The following KCNH7 variants were observed in gnomAD, a reference collection of about 807,000 sequenced individuals.
The protein encoded by KCNH7 is potassium voltage-gated channel subfamily H member 7, also known as voltage-gated inwardly rectifying potassium channel KCNH7.
Under a neutral mutation model 120.8 loss-of-function variants are expected in KCNH7, and 49 were observed. The ratio of observed to expected loss-of-function variants is 0.41; its 90% CI spans 0.32 to 0.51. The LOEUF is 0.51. KCNH7 is among the 20% of genes least tolerant of loss of function. The pLI is 0.38. For missense variants in KCNH7, 1,097 were observed against 1,446.6 expected (o/e 0.76, Z 3.92); for synonymous variants, 547 against 516.1 (o/e 1.06, Z -0.81).
chr2:162,616,188 C>T (rs1013566166), intron 2 of KCNH7, among the ~76,000 whole-genome samples: 21 of 152,170 alleles, frequency 1.4e-4, no homozygotes, highest in African/African-American at 4.6e-4. Flanking sequence ...TTATGACTCA[C>T]GGGATAAAAG....
chr2:162,652,306 T>C (rs981480858), intron 2 of KCNH7, among the ~76,000 whole-genome samples: 17 of 152,324 alleles, frequency 1.1e-4, no homozygotes, highest in African/African-American at 3.8e-4. Context: ...AATAATACCA[T>C]TTAGCAAGAC....
intron 12 of KCNH7, among the ~76,000 whole-genome samples, chr2:162,388,559 A>T (rs1366746042): frequency 1.3e-5 from 2 of 151,920 alleles, no homozygotes; most frequent in South Asian, 4.1e-4. Flanking sequence ...GATCACTAAA[A>T]TGGATAACAA....
At chr2:162,704,106 T>C (rs867143139) in intron 2 of KCNH7, among the ~76,000 whole-genome samples, 51 of 152,242 alleles carry the variant, frequency 3.3e-4, no homozygotes, top group South Asian at 4.1e-4. Context: ...ATGTGAACTT[T>C]TCATATGAGA....
intron 6 of KCNH7, among the ~76,000 whole-genome samples, chr2:162,474,092 T>C (rs375756088): frequency 2.0e-5 from 3 of 152,204 alleles, no homozygotes; most frequent in East Asian, 3.9e-4. Context: ...AATTATCTCA[T>C]TGAATTTTCA....
At chr2:162,765,076 G>A (rs1184538429) in intron 2 of KCNH7, among the ~76,000 whole-genome samples, 1 of 152,122 alleles carries the variant, frequency 6.6e-6, no homozygotes, top group Non-Finnish European at 1.5e-5. Flanking sequence ...GGTAAGGAAG[G>A]AGGAAAAAGA....
intron 6 of KCNH7, among the ~76,000 whole-genome samples, chr2:162,493,023 C>CCACAGACT (rs1690374081): frequency 6.6e-6 from 1 of 151,762 alleles, no homozygotes; most frequent in African/African-American, 2.4e-5. Context: ...AGAGAAGGTG[C>CCACAGACT]CACAGACTCC....
chr2:162,663,147 G>C (rs1685024037), intron 2 of KCNH7, among the ~76,000 whole-genome samples: 1 of 152,188 alleles, frequency 6.6e-6, no homozygotes, highest in Non-Finnish European at 1.5e-5. Flanking sequence ...TAATTCATCT[G>C]TAAAATCAGT....
At chr2:162,659,817 T>A (rs540732179) in intron 2 of KCNH7, among the ~76,000 whole-genome samples, 50 of 152,326 alleles carry the variant, frequency 3.3e-4, no homozygotes, top group Middle Eastern at 3.4e-3. Flanking sequence ...TTAGAAGGTA[T>A]CCCTGCTACT....
chr2:162,581,991 G>A (rs369240212), intron 2 of KCNH7, among the ~76,000 whole-genome samples: 12 of 152,078 alleles, frequency 7.9e-5, no homozygotes, highest in African/African-American at 2.9e-4. Flanking sequence ...AGTGTCTGCA[G>A]GAAGACCTGG....
chr2:162,775,950 T>C lies in KCNH7; in HGVS notation c.307+60587A>G, dbSNP rs1281692989. On this transcript the variant is annotated intron_variant, in intron 2 of 15. Transcript: ENST00000332142. ...TTGGGCAAGTTATTTAAGCAATCTA[T>C]GCCTGGTTTTCTCATAGGAATATTG... Among the ~76,000 whole-genome samples the C allele has an allele frequency of 5.9e-5, 9 of 152,320 alleles. 1 individual carries two copies. The highest frequency in any genetic ancestry group is 2.0e-4 in the Admixed American group (3 of 15,282).
At chr2:162,429,233 A>G (rs1219804178) in intron 8 of KCNH7, among the ~76,000 whole-genome samples, 1 of 151,802 alleles carries the variant, frequency 6.6e-6, no homozygotes, top group African/African-American at 2.4e-5. Context: ...ACAGCAATAT[A>G]TACTTCTATT....
chr2:162,434,680 A>T (rs996564797), intron 8 of KCNH7, among the ~76,000 whole-genome samples: 2 of 151,104 alleles, frequency 1.3e-5, no homozygotes. Flanking sequence ...TATATTATGT[A>T]TAAATTGGTA....
intron 2 of KCNH7, among the ~76,000 whole-genome samples, chr2:162,807,256 CAAAAAAAAAAAAAA>C (rs745345993): frequency 6.4e-5 from 1 of 15,628 alleles, no homozygotes; most frequent in Non-Finnish European, 1.7e-4. Context: ...ACTAAAAATA[CAAAAAAAAAAAAAA>C]AAAAAAAAAA....
At chr2:162,589,087 A>G (rs990643422) in intron 2 of KCNH7, among the ~76,000 whole-genome samples, 3 of 152,098 alleles carry the variant, frequency 2.0e-5, no homozygotes, top group Non-Finnish European at 4.4e-5. Context: ...ACTCTGTGCT[A>G]AATATTTCAT....
intron 2 of KCNH7, among the ~76,000 whole-genome samples, chr2:162,720,299 T>TAA (rs59618789): frequency 6.3e-4 from 62 of 97,860 alleles, no homozygotes; most frequent in Non-Finnish European, 1.1e-3. Flanking sequence ...GATGTGTGAT[T>TAA]AAAAAAAAAA....
At chr2:162,384,645 T>A in intron 13 of KCNH7, 43 bp downstream of exon 13, 1 of 1,583,240 alleles carries the variant, frequency 6.3e-7, no homozygotes, top group Non-Finnish European at 8.6e-7. Flanking sequence ...CATTTTGTGA[T>A]TAGCACTGAA....
intron 2 of KCNH7, among the ~76,000 whole-genome samples, chr2:162,613,279 A>T (rs1272824485): frequency 6.6e-6 from 1 of 152,180 alleles, no homozygotes; most frequent in East Asian, 1.9e-4. Context: ...GTGACTATCA[A>T]CATATTGATA....
At chr2:162,629,973 A>AT (rs1285577633) in intron 2 of KCNH7, among the ~76,000 whole-genome samples, 1 of 152,146 alleles carries the variant, frequency 6.6e-6, no homozygotes, top group African/African-American at 2.4e-5. Context: ...ACTGACTGAA[A>AT]TAAGTAATTT....
chr2:162,438,724 C>G (rs980423132), intron 7 of KCNH7, among the ~76,000 whole-genome samples: 1 of 152,094 alleles, frequency 6.6e-6, no homozygotes, highest in Non-Finnish European at 1.5e-5. Flanking sequence ...CTATTGTTAT[C>G]AAATTGCGGC....
Sources: gnomAD v4.1 joint callset for allele counts (sites outside exome capture counted in the v4.1 genomes callset) on GRCh38, gnomAD v4.1.1 for gene constraint, MANE v1.5 for transcripts, NCBI Gene and HGNC (gene_info 2026-07-23, HGNC 2026-07-21) for gene names.